The following CCSER1 variants were observed in gnomAD, a reference collection of about 807,000 sequenced individuals.
CCSER1 encodes coiled-coil serine rich protein 1.
In CCSER1, 41 loss-of-function variants were observed where a neutral mutation model predicts 82.0. The observed-to-expected ratio is 0.50, with a 90% CI of 0.39 to 0.65. The LOEUF is 0.65. CCSER1 is among the 30% of genes least tolerant of loss of function. CCSER1 has a pLI of 0.00. For synonymous variants in CCSER1, 414 were observed against 383.9 expected (o/e 1.08, Z -0.92); for missense variants, 1,119 against 1,064.2 (o/e 1.05, Z -0.72).
At chr4:90,860,498 C>T (rs899063686) in intron 8 of CCSER1, among the ~76,000 whole-genome samples, 1 of 151,552 alleles carries the variant, frequency 6.6e-6, no homozygotes, top group Non-Finnish European at 1.5e-5. Context: ...ATAGTTTCTA[C>T]TTCTAGATGT....
intron 1 of CCSER1, among the ~76,000 whole-genome samples, chr4:90,135,372 T>C (rs1426761514): frequency 2.6e-5 from 4 of 152,174 alleles, no homozygotes. Flanking sequence ...GGATCCTGCC[T>C]CTGAAACAAC....
intron 9 of CCSER1, among the ~76,000 whole-genome samples, chr4:90,954,789 T>TAAA (rs5860212): frequency 6.6e-6 from 1 of 151,026 alleles, no homozygotes; most frequent in South Asian, 2.1e-4. Flanking sequence ...GTACATTTAC[T>TAAA]AAAAAAAAAT....
intron 1 of CCSER1, among the ~76,000 whole-genome samples, chr4:90,218,312 G>A (rs1741486127): frequency 6.6e-6 from 1 of 152,138 alleles, no homozygotes; most frequent in Admixed American, 6.5e-5. Context: ...TTGGTGTGCT[G>A]TTGGATTCAG....
intron 9 of CCSER1, among the ~76,000 whole-genome samples, chr4:91,048,275 CAT>C (rs148115863): frequency 0.065 from 9,901 of 151,902 alleles, 948 homozygotes; most frequent in African/African-American, 0.21. Flanking sequence ...TATATACACA[CAT>C]ATATTTACAC....
At chr4:90,367,523 G>T (rs1207528314) in intron 3 of CCSER1, among the ~76,000 whole-genome samples, 1 of 150,656 alleles carries the variant, frequency 6.6e-6, no homozygotes, top group African/African-American at 2.4e-5. Context: ...AAACTTAAAA[G>T]AAAAAAAGAA....
chr4:90,289,501 A>G (rs1730530755), intron 1 of CCSER1, among the ~76,000 whole-genome samples: 1 of 151,912 alleles, frequency 6.6e-6, no homozygotes, highest in Non-Finnish European at 1.5e-5. Flanking sequence ...TTTCACATGG[A>G]ATATAAGAGA....
intron 10 of CCSER1, among the ~76,000 whole-genome samples, chr4:91,392,802 A>T (rs1751743684): frequency 6.6e-6 from 1 of 152,116 alleles, no homozygotes; most frequent in Non-Finnish European, 1.5e-5. Context: ...ACCATGGTAT[A>T]AAGGGGGTTT....
intron 9 of CCSER1, among the ~76,000 whole-genome samples, chr4:90,988,151 T>C (rs1378016765): frequency 6.6e-6 from 1 of 151,216 alleles, no homozygotes; most frequent in Non-Finnish European, 1.5e-5. Flanking sequence ...ACACCATCTC[T>C]ACAAAAACTA....
intron 6 of CCSER1, among the ~76,000 whole-genome samples, chr4:90,698,171 G>GT (rs1358718789): frequency 6.6e-6 from 1 of 152,146 alleles, no homozygotes. Context: ...ACAGATTACA[G>GT]TTTTTTATCT....
chr4:90,518,535 G>C (rs752655498), intron 5 of CCSER1, among the ~76,000 whole-genome samples: 74 of 151,992 alleles, frequency 4.9e-4, no homozygotes, highest in Non-Finnish European at 1.8e-4. Context: ...ATAATGATCA[G>C]TGAGTGCTTC....
intron 5 of CCSER1, among the ~76,000 whole-genome samples, chr4:90,605,426 G>A (rs7663554): frequency 0.45 from 67,774 of 152,002 alleles, 17,499 homozygotes; most frequent in African/African-American, 0.72. Context: ...TTAAAGTCAC[G>A]TATTAAATCT....
At chr4:91,482,775 T>A (rs1758008596) in intron 10 of CCSER1, among the ~76,000 whole-genome samples, 1 of 152,162 alleles carries the variant, frequency 6.6e-6, no homozygotes. Context: ...TAAAAAATGA[T>A]GAGTTCATAT....
At chr4:90,210,535 T>G (rs1443078789) in intron 1 of CCSER1, among the ~76,000 whole-genome samples, 1 of 151,668 alleles carries the variant, frequency 6.6e-6, no homozygotes, top group African/African-American at 2.4e-5. Context: ...CCTCAACCTC[T>G]GGGGCTCAAG....
At chr4:90,926,605 A>C (rs536594603) in intron 9 of CCSER1, among the ~76,000 whole-genome samples, 1 of 152,074 alleles carries the variant, frequency 6.6e-6, no homozygotes, top group Non-Finnish European at 1.5e-5. Flanking sequence ...GTCAGGAGAC[A>C]TGAAACTAAT....
At chr4:90,422,949 C>A (rs894293199) in intron 4 of CCSER1, among the ~76,000 whole-genome samples, 1 of 152,110 alleles carries the variant, frequency 6.6e-6, no homozygotes, top group Non-Finnish European at 1.5e-5. Context: ...GTTGTAAATT[C>A]TTCCATATTC....
chr4:90,725,834 ATAT>A lies in CCSER1; in HGVS notation c.2010+1847_2010+1849del, dbSNP rs201853038. Among the ~76,000 whole-genome samples the A allele has an allele frequency of 9.4e-3, 1,422 of 152,050 alleles. 13 individuals are homozygous for A. The highest frequency in any genetic ancestry group is 0.028 in the Middle Eastern group (8 of 288). ...TATAACCACATTCTGAAAAAGTCTA[ATAT>A]TATAATTCAGATGTATAAAACTTTG... On this transcript the variant is annotated intron_variant, in intron 7 of 10. Coordinates refer to ENST00000509176, the MANE Select transcript of CCSER1 (RefSeq NM_001145065.2).
At position 91,496,622 on chromosome 4, in the gene CCSER1, ATATAT is replaced by A. The variant is rs1398509254; in HGVS notation, c.2218-101948_2218-101944del. 4.0e-3 allele frequency among the ~76,000 whole-genome samples: 59 copies of A among 14,926 alleles called. 26 individuals carry two copies. Among genetic ancestry groups the A allele is most frequent in the Admixed American group, 0.015 (25 of 1,658 alleles). 9.8% of individuals were successfully genotyped at this position (14,926 alleles called of 152,430 possible). On this transcript the variant is annotated intron_variant, in intron 10 of 10. Coordinates refer to ENST00000509176, the MANE Select transcript of CCSER1 (RefSeq NM_001145065.2). Reference sequence around the variant, plus strand: ...TATTTGAATATATATATACACGAATATATATTTGAATATATATATATTCAATATAT... The same window carrying A: ...TATTTGAATATATATATACACGAATATTGAATATATATATATTCAATATAT...
chr4:90,635,200 A>G (rs766236545), intron 6 of CCSER1, among the ~76,000 whole-genome samples: 3 of 151,772 alleles, frequency 2.0e-5, no homozygotes, highest in Admixed American at 1.3e-4. Flanking sequence ...CTTGAACAAT[A>G]TTATCAATAT....
intron 10 of CCSER1, among the ~76,000 whole-genome samples, chr4:91,485,168 A>T (rs1325508150): frequency 6.6e-6 from 1 of 152,110 alleles, no homozygotes; most frequent in East Asian, 1.9e-4. Flanking sequence ...TAAAAAAAAA[A>T]TGAATAGGAA....
Sources: gnomAD v4.1 joint callset for allele counts (sites outside exome capture counted in the v4.1 genomes callset) on GRCh38, gnomAD v4.1.1 for gene constraint, MANE v1.5 for transcripts, NCBI Gene and HGNC (gene_info 2026-07-23, HGNC 2026-07-21) for gene names.